The following C1orf21 variants were observed in gnomAD, a reference collection of about 807,000 sequenced individuals.
C1orf21 encodes chromosome 1 open reading frame 21.
C1orf21 carries 3 observed loss-of-function variants against 18.7 expected under a neutral mutation model. The observed-to-expected ratio is 0.16, with a 90% CI of 0.07 to 0.42. C1orf21 has a LOEUF of 0.42. C1orf21 is among the 10% of genes least tolerant of loss of function. The probability of loss-of-function intolerance (pLI) is 0.99; values close to 1 mark genes in which losing one functional copy is unlikely to be tolerated. For missense variants in C1orf21, 104 were observed against 143.6 expected (o/e 0.72, Z 1.41); for synonymous variants, 41 against 46.4 (o/e 0.88, Z 0.47).
At chr1:184,464,996 C>T (rs958743704) in intron 1 of C1orf21, among the ~76,000 whole-genome samples, 2 of 152,140 alleles carry the variant, frequency 1.3e-5, no homozygotes, top group African/African-American at 4.8e-5. Flanking sequence ...ATCAGGAACT[C>T]CTGGCCTCAA....
chr1:184,525,047 C>T (rs1283193880), intron 3 of C1orf21, among the ~76,000 whole-genome samples: 2 of 151,664 alleles, frequency 1.3e-5, no homozygotes, highest in Non-Finnish European at 1.5e-5. Context: ...GAGTGAAAGT[C>T]TCTTACACAT....
chr1:184,468,355 G>GT, intron 1 of C1orf21, among the ~76,000 whole-genome samples: 1 of 152,240 alleles, frequency 6.6e-6, no homozygotes, highest in Middle Eastern at 3.4e-3. Flanking sequence ...TTAGGTCACA[G>GT]TTTACATCAG....
intron 1 of C1orf21, among the ~76,000 whole-genome samples, chr1:184,395,981 T>A (rs1656043959): frequency 6.6e-6 from 1 of 152,148 alleles, no homozygotes; most frequent in African/African-American, 2.4e-5. Context: ...AGACCAATTC[T>A]CTTACTGGCA....
intron 1 of C1orf21, among the ~76,000 whole-genome samples, chr1:184,411,721 C>T (rs1571345902): frequency 2.6e-5 from 4 of 152,178 alleles, no homozygotes; most frequent in Admixed American, 2.6e-4. Flanking sequence ...CGCGCCCAGC[C>T]GGTTATGGGT....
chr1:184,435,156 C>G (rs1406052777), intron 1 of C1orf21, among the ~76,000 whole-genome samples: 1 of 152,174 alleles, frequency 6.6e-6, no homozygotes, highest in Non-Finnish European at 1.5e-5. Flanking sequence ...GTTTGGACTT[C>G]TGTCATTGGA....
chr1:184,527,341 A>G (rs1658392552), intron 3 of C1orf21, among the ~76,000 whole-genome samples: 1 of 152,204 alleles, frequency 6.6e-6, no homozygotes, highest in South Asian at 2.1e-4. Context: ...TGTGAAATTC[A>G]TAGTCTGGAA....
rs1281127494 is a variant in C1orf21, at chr1:184,432,539, G to A, written c.-124-44847G>A. On this transcript the variant is annotated intron_variant, in intron 1 of 5. Coordinates refer to ENST00000235307, the MANE Select transcript of C1orf21 (RefSeq NM_030806.4). ...TGTTGCAGGGTAGGGGCTAGGGGAG[G>A]GATAGCATTAGGAGAAATACCTAAT... Among the ~76,000 whole-genome samples, 3 of 152,000 alleles carry A rather than the reference G, an allele frequency of 2.0e-5. No individual in the cohort carries two copies. In the East Asian group the frequency reaches 5.8e-4, roughly 29 times the overall value.
In C1orf21 at chr1:184,409,716, TATC is replaced by T. The variant is rs143728603; in HGVS notation, c.-125+22351_-125+22353del. Among the ~76,000 whole-genome samples the T allele has an allele frequency of 7.0e-3, 1,064 of 152,294 alleles. 41 individuals carry two copies. In the East Asian group the frequency reaches 0.089, roughly 13 times the overall value. On this transcript the variant is annotated intron_variant, in intron 1 of 5. Transcript: ENST00000235307. Reference sequence around the variant, plus strand: ...ATACGCACCAAATAGAATTAAATGTTATCATGACTCCAGGGGCTCTGGGTATTG... The same window carrying T: ...ATACGCACCAAATAGAATTAAATGTTATGACTCCAGGGGCTCTGGGTATTG...
Position 184,591,588 on chromosome 1 carries a change from C to T in C1orf21, c.266+773C>T, listed in dbSNP as rs531077478. On this transcript the variant is annotated intron_variant, in intron 4 of 5. Coordinates refer to ENST00000235307, the MANE Select transcript of C1orf21 (RefSeq NM_030806.4). The stretch of plus-strand genomic sequence containing the variant: ...TTGGGAGGCCAAGGCGGGAGGATCA[C>T]GAGGTCAGGAGATCGAGACCATCCT... Among the ~76,000 whole-genome samples the T allele has an allele frequency of 3.0e-3, 463 of 152,188 alleles. 1 individual carries two copies. The highest frequency in any genetic ancestry group is 0.02 in the Middle Eastern group (6 of 294).
intron 3 of C1orf21, among the ~76,000 whole-genome samples, chr1:184,524,558 C>T (rs1010364725): frequency 2.6e-5 from 4 of 151,990 alleles, no homozygotes; most frequent in African/African-American, 4.8e-5. Flanking sequence ...TAAAATCACT[C>T]ATCTACTCAT....
At chr1:184,429,537 GT>G (rs952369148) in intron 1 of C1orf21, among the ~76,000 whole-genome samples, 2 of 152,088 alleles carry the variant, frequency 1.3e-5, no homozygotes, top group Non-Finnish European at 2.9e-5. Flanking sequence ...ATGTTGAGGT[GT>G]CTGCTTAGTC....
intron 2 of C1orf21, among the ~76,000 whole-genome samples, chr1:184,495,008 C>T (rs1428725428): frequency 6.6e-6 from 1 of 152,202 alleles, no homozygotes; most frequent in Non-Finnish European, 1.5e-5. Flanking sequence ...CCTAGAACCT[C>T]CTGGGACTGC....
chr1:184,597,189 C>G (rs561347566), intron 4 of C1orf21, among the ~76,000 whole-genome samples: 27 of 152,266 alleles, frequency 1.8e-4, no homozygotes, highest in African/African-American at 6.5e-4. Context: ...TTTGAATGAT[C>G]AGATAAAGGG....
At chr1:184,561,028 T>G (rs1312860690) in intron 3 of C1orf21, among the ~76,000 whole-genome samples, 1 of 152,222 alleles carries the variant, frequency 6.6e-6, no homozygotes. Context: ...TGCTGTTGTG[T>G]TCTCTATGAG....
intron 1 of C1orf21, among the ~76,000 whole-genome samples, chr1:184,446,487 T>C (rs1467243065): frequency 6.6e-6 from 1 of 152,174 alleles, no homozygotes; most frequent in African/African-American, 2.4e-5. Flanking sequence ...CAAATCACTA[T>C]ATCCAAGTGC....
At chr1:184,568,615 C>CTATTT (rs1291593639) in intron 3 of C1orf21, 2 of 290,172 alleles carry the variant, frequency 6.9e-6, no homozygotes, top group African/African-American at 4.5e-5. Context: ...CTTGAAGTAA[C>CTATTT]TTAAAACCTA....
At chr1:184,468,071 T>A (rs147593655) in intron 1 of C1orf21, among the ~76,000 whole-genome samples, 313 of 151,962 alleles carry the variant, frequency 2.1e-3, no homozygotes, top group Non-Finnish European at 3.3e-3. Flanking sequence ...AAAAAGAGAA[T>A]GAGACAAAGT....
intron 1 of C1orf21, among the ~76,000 whole-genome samples, chr1:184,431,854 A>T (rs1391749900): frequency 2.0e-5 from 3 of 152,250 alleles, no homozygotes; most frequent in Non-Finnish European, 4.4e-5. Context: ...CTCATCAAAA[A>T]GTGGGCAAAG....
intron 3 of C1orf21, among the ~76,000 whole-genome samples, chr1:184,559,100 A>G (rs1184636162): frequency 6.6e-6 from 1 of 152,132 alleles, no homozygotes; most frequent in Non-Finnish European, 1.5e-5. Context: ...TATAATTTGG[A>G]TATTTGTCCC....
Sources: gnomAD v4.1 joint callset for allele counts (sites outside exome capture counted in the v4.1 genomes callset) on GRCh38, gnomAD v4.1.1 for gene constraint, MANE v1.5 for transcripts, NCBI Gene and HGNC (gene_info 2026-07-23, HGNC 2026-07-21) for gene names.